The following CELSR1 variants were observed in gnomAD, a reference collection of about 807,000 sequenced individuals.
The protein encoded by CELSR1 is adhesion G protein-coupled receptor C1.
In CELSR1, 110 loss-of-function variants were observed where a neutral mutation model predicts 249.1. That is an observed-to-expected ratio of 0.44 (90% CI 0.38 to 0.52). The LOEUF (loss-of-function observed/expected upper bound fraction) is 0.52, where lower values mean the gene tolerates loss of function less well. Ranked by LOEUF, CELSR1 falls within the 20% of genes least tolerant of loss-of-function variation. The pLI is 0.00. For synonymous variants in CELSR1, 2,113 were observed against 1,900.0 expected (o/e 1.11, Z -2.92); for missense variants, 4,109 against 4,296.4 (o/e 0.96, Z 1.22).
intron 5 of CELSR1, among the ~76,000 whole-genome samples, chr22:46,418,741 T>C (rs1200767064): frequency 2.0e-5 from 3 of 152,186 alleles, no homozygotes; most frequent in Non-Finnish European, 4.4e-5. Flanking sequence ...TGTGGGAGCA[T>C]TAGAAAAGTT....
chr22:46,511,837 A>C (rs2080577092), intron 1 of CELSR1, among the ~76,000 whole-genome samples: 1 of 152,046 alleles, frequency 6.6e-6, no homozygotes. Context: ...TTTCCCACTG[A>C]CGGGGGCTAC....
chr22:46,531,304 C>A (rs2080789801), intron 1 of CELSR1, among the ~76,000 whole-genome samples: 1 of 152,122 alleles, frequency 6.6e-6, no homozygotes, highest in African/African-American at 2.4e-5. Flanking sequence ...CTCCCAGATT[C>A]AAGCAATTTT....
At chr22:46,465,541 A>G (rs752445960) in intron 1 of CELSR1, among the ~76,000 whole-genome samples, 3 of 152,086 alleles carry the variant, frequency 2.0e-5, no homozygotes, top group African/African-American at 7.2e-5. Context: ...CCCAGAGGCC[A>G]CCTTGTCACC....
At chr22:46,519,494 C>T (rs1009789843) in intron 1 of CELSR1, among the ~76,000 whole-genome samples, 1 of 152,336 alleles carries the variant, frequency 6.6e-6, no homozygotes. Flanking sequence ...CGGGTTGGCC[C>T]GGGGAGCAGC....
chr22:46,514,815 C>T (rs536475259), intron 1 of CELSR1, among the ~76,000 whole-genome samples: 3 of 152,242 alleles, frequency 2.0e-5, no homozygotes, highest in Admixed American at 6.5e-5. Flanking sequence ...CAAGTCACTG[C>T]GGGAAAAGCT....
rs989706137 is a variant in CELSR1 at position 46,461,718 on chromosome 22, G to A, written c.4183+1989C>T. Among the ~76,000 whole-genome samples the A allele has an allele frequency of 3.3e-5, 5 of 152,234 alleles. No homozygotes were observed. The South Asian group carries it at 6.2e-4, about 19-fold the overall frequency. On this transcript the variant is annotated intron_variant, in intron 2 of 34. Coordinates refer to ENST00000674500, the MANE Select transcript of CELSR1 (RefSeq NM_001378328.1). ...CTGGTATACAGTAGGTACTATCTGCGGAGTAAAGATGGCGTCCTTGCCAAC... is the reference window on the plus strand; with the variant it reads ...CTGGTATACAGTAGGTACTATCTGCAGAGTAAAGATGGCGTCCTTGCCAAC...
Position 46,398,323 on chromosome 22 carries a change from G to A in CELSR1, c.5526+201C>T, listed in dbSNP as rs985095105. ...GTGGGGAGCTGTGGGGGCCAGGGAC[G>A]GCCCGGATGCCAAGGGGAACCGCAG... On this transcript the variant is annotated intron_variant, in intron 11 of 34. Coordinates refer to ENST00000674500, the MANE Select transcript of CELSR1 (RefSeq NM_001378328.1). This position sits in a 1 kb window ranked among gnomAD's most constrained non-coding sequence, Gnocchi z 7.2. Among the ~76,000 whole-genome samples the A allele has an allele frequency of 6.6e-6, 1 of 152,128 alleles. No homozygotes were observed. Among genetic ancestry groups the A allele is most frequent in the Non-Finnish European group, 1.5e-5 (1 of 68,004 alleles).
intron 5 of CELSR1, among the ~76,000 whole-genome samples, chr22:46,426,907 A>G (rs1298477905): frequency 6.6e-6 from 1 of 152,166 alleles, no homozygotes; most frequent in South Asian, 2.1e-4. Flanking sequence ...AGAGAAATCA[A>G]TCTCTGTGGT....
intron 27 of CELSR1, among the ~76,000 whole-genome samples, 176 bp from the exon 28 acceptor site, chr22:46,368,031 G>T (rs370392139): frequency 6.6e-6 from 1 of 152,306 alleles, no homozygotes; most frequent in African/African-American, 2.4e-5. Flanking sequence ...AGCCAGGTAC[G>T]GACTCATCCG....
chr22:46,532,618 C>G (rs550989058), intron 1 of CELSR1, among the ~76,000 whole-genome samples: 4 of 152,214 alleles, frequency 2.6e-5, no homozygotes, highest in Non-Finnish European at 5.9e-5. Flanking sequence ...CTCTGAAACA[C>G]TGACTCAAAC....
Position 46,390,544 on chromosome 22 carries a change from T to G in CELSR1, c.6251-58A>C. 1.5e-6 allele frequency: 2 copies of G among 1,351,458 alleles called. No homozygotes were observed. The highest frequency in any genetic ancestry group is 2.4e-5 in the South Asian group (2 of 81,964). The allele number at this position is 1,351,458 out of a possible 1,614,324, so 83.7% of individuals were successfully genotyped here. A position where few individuals can be genotyped will look rare whatever the true frequency, so the allele number is the denominator to read the frequency against. On this transcript the variant is annotated intron_variant, in intron 16 of 34. Transcript: ENST00000674500. This position sits in a 1 kb window ranked among gnomAD's most constrained non-coding sequence, Gnocchi z 6.3. ...AACTCAAACTGTTGATCAATGCTTG[T>G]GTATTTCAATCCACAATCTGAATAT...
intron 1 of CELSR1, among the ~76,000 whole-genome samples, chr22:46,533,370 C>G (rs1431249742): frequency 6.6e-6 from 1 of 152,250 alleles, no homozygotes; most frequent in Non-Finnish European, 1.5e-5. Context: ...GGCGCTGATC[C>G]CCGGTCTTGA....
intron 2 of CELSR1, among the ~76,000 whole-genome samples, chr22:46,457,825 G>A (rs989044819): frequency 1.3e-5 from 2 of 152,228 alleles, no homozygotes; most frequent in Non-Finnish European, 2.9e-5. Flanking sequence ...GAAGGGAAGT[G>A]TACGTGATTG....
In CELSR1 at chr22:46,396,946, C is replaced by T. The variant is rs1334792884; in HGVS notation, c.5702-200G>A. The stretch of plus-strand genomic sequence containing the variant: ...AGTGATGCAGAGAGGAAGGCCTTCC[C>T]GGGCTGCCCCAAGGAGGGTGAGAGC... On this transcript the variant is annotated intron_variant, in intron 12 of 34. Transcript: ENST00000674500. This position sits in a 1 kb window ranked among gnomAD's most constrained non-coding sequence, Gnocchi z 6.4. Among the ~76,000 whole-genome samples the T allele has an allele frequency of 1.3e-5, 2 of 152,138 alleles. No homozygotes were observed. Among genetic ancestry groups the T allele is most frequent in the African/African-American group, 2.4e-5 (1 of 41,412 alleles).
In CELSR1 at chr22:46,446,188, G is replaced by A. The variant is rs540440329; in HGVS notation, c.4184-6777C>T. ...GCCCCACTGTCTCCCTCCTCCCAGG[G>A]CAGCTACAGATGGCCCTGTGCGTAC... is the stretch of plus-strand genomic sequence containing the variant. On this transcript the variant is annotated intron_variant, in intron 2 of 34. Coordinates refer to ENST00000674500, the MANE Select transcript of CELSR1 (RefSeq NM_001378328.1). This position sits in a 1 kb window ranked among gnomAD's most constrained non-coding sequence, Gnocchi z 5.5. Among the ~76,000 whole-genome samples, 7 of 152,228 alleles carry A rather than the reference G, an allele frequency of 4.6e-5. No homozygotes were observed. The highest frequency in any genetic ancestry group is 1.3e-4 in the Admixed American group (2 of 15,294).
intron 19 of CELSR1, among the ~76,000 whole-genome samples, chr22:46,386,019 G>A (rs1051734175): frequency 2.0e-5 from 3 of 146,996 alleles, no homozygotes; most frequent in African/African-American, 7.9e-5. Context: ...ACCCATGCTG[G>A]AGTGCAATGG....
intron 1 of CELSR1, among the ~76,000 whole-genome samples, chr22:46,516,859 G>A (rs1365494930): frequency 4.6e-5 from 7 of 152,210 alleles, no homozygotes; most frequent in East Asian, 1.9e-4. Context: ...GCAGGCGGCC[G>A]AGGGCTGTCC....
rs1421537473 is a variant in CELSR1 at position 46,373,046 on chromosome 22, T to C, written c.7596A>G (p.Thr2532=). Residue 2532 remains threonine, a synonymous_variant, in exon 25 of 35, where the codon ACA becomes ACG. Transcript: ENST00000674500. The stretch of plus-strand genomic sequence containing the variant: ...TGTAGTGGAGGAGGATGGCAACCAC[T>C]GTGCACAGAAACTGCGCAGGGAGGG... ...INQTENPFLC[T]VVAILLHYIY... is the part of the protein sequence containing the mutation. 7 of 1,606,976 alleles carry C rather than the reference T, an allele frequency of 4.4e-6. No homozygotes were observed. The highest frequency in any genetic ancestry group is 5.1e-6 in the Non-Finnish European group (6 of 1,176,690).
Position 46,433,678 on chromosome 22 carries a change from C to T in CELSR1, c.4523-197G>A, listed in dbSNP as rs1355735511. 2.6e-5 allele frequency among the ~76,000 whole-genome samples: 4 copies of T among 152,086 alleles called. No individual in the cohort carries two copies. The highest frequency in any genetic ancestry group is 5.9e-5 in the Non-Finnish European group (4 of 68,000). On this transcript the variant is annotated intron_variant, in intron 4 of 34. Transcript: ENST00000674500. The surrounding 1 kb of genome is among the most constrained non-coding windows in gnomAD (Gnocchi z 5.7). ...TCTGGTTACAAAAGTAATTCTTGTT[C>T]CTCTTTTCTGGTTTTGTTTGTTTTG...
Sources: gnomAD v4.1 joint callset for allele counts (sites outside exome capture counted in the v4.1 genomes callset) on GRCh38, gnomAD v4.1.1 for gene constraint, Gnocchi (gnomAD v3.1) non-coding constraint, MANE v1.5 for transcripts, NCBI Gene and HGNC (gene_info 2026-07-23, HGNC 2026-07-21) for gene names.